ARHGAP25: variants seen among roughly 807,000 people sequenced by gnomAD.
The protein encoded by ARHGAP25 is rho GTPase-activating protein 25.
Under a neutral mutation model 71.0 loss-of-function variants are expected in ARHGAP25, and 34 were observed. The ratio of observed to expected loss-of-function variants is 0.48; its 90% CI spans 0.36 to 0.64. The LOEUF is 0.64. ARHGAP25 is among the 30% of genes least tolerant of loss of function. The pLI, the probability that ARHGAP25 is intolerant of heterozygous loss-of-function variation, is 0.00. For synonymous variants in ARHGAP25, 282 were observed against 296.5 expected, an observed-to-expected ratio of 0.95 and a Z score of 0.50; for missense variants, 706 against 805.1, an observed-to-expected ratio of 0.88 and a Z score of 1.49.
At chr2:68,796,961 G>A (rs1679592595) in intron 4 of ARHGAP25, among the ~76,000 whole-genome samples, 1 of 152,210 alleles carries the variant, frequency 6.6e-6, no homozygotes, top group African/African-American at 2.4e-5. Context: ...TCAATGGGCT[G>A]TGTGGGCCAG....
At position 68,735,117 on chromosome 2, in the gene ARHGAP25, AG is replaced by A; in HGVS notation, c.-80del. On this transcript the variant is annotated 5_prime_UTR_variant, in exon 1 of 11. An upstream open reading frame in the 5' UTR loses its in-frame stop. Coordinates refer to ENST00000409202, the MANE Select transcript of ARHGAP25 (RefSeq NM_001007231.3). Reference sequence around the variant, plus strand: ...GGAACAAAAACAGACACAAAAACAGAGGGAAAGAGTGAAAAGACAAGAAGGG... The same window carrying A: ...GGAACAAAAACAGACACAAAAACAGAGGAAAGAGTGAAAAGACAAGAAGGG... 1 of 1,170,588 alleles carries A rather than the reference AG, an allele frequency of 8.5e-7. No homozygotes were observed. The highest frequency in any genetic ancestry group is 1.2e-5 in the South Asian group (1 of 82,164). 72.5% of individuals were successfully genotyped at this position (1,170,588 alleles called of 1,614,324 possible). A position where few individuals can be genotyped will look rare whatever the true frequency, so the allele number is the denominator to read the frequency against.
chr2:68,780,147 G>A (rs1678217545), intron 2 of ARHGAP25, among the ~76,000 whole-genome samples: 1 of 152,174 alleles, frequency 6.6e-6, no homozygotes, highest in South Asian at 2.1e-4. Context: ...TTCCCTCCTA[G>A]ACTTCTTATG....
intron 5 of ARHGAP25, among the ~76,000 whole-genome samples, chr2:68,809,214 C>G (rs1680598083): frequency 6.6e-6 from 1 of 152,132 alleles, no homozygotes; most frequent in African/African-American, 2.4e-5. Context: ...TGCCCTCTCT[C>G]CACCCCCTTT....
Position 68,822,677 on chromosome 2 carries a change from C to G in ARHGAP25, c.1538C>G (p.Pro513Arg), listed in dbSNP as rs1681787742. ...YDNVPSLPGS[P>R]GEEASALSSQ... is the part of the protein sequence containing the mutation. ...AACGTCCCTTCCCTGCCAGGGTCCC[C>G]TGGGGAGGAAGCCAGTGCACTCTCT... is the stretch of plus-strand genomic sequence containing the variant. The change falls in exon 10 of 11, where the codon CCT (proline) becomes CGT (arginine). Residue 513 changes from proline to arginine, a missense_variant. Coordinates refer to ENST00000409202, the MANE Select transcript of ARHGAP25 (RefSeq NM_001007231.3). The G allele has an allele frequency of 6.2e-7, 1 of 1,614,158 alleles. No individual in the cohort carries two copies.
chr2:68,757,389 A>G (rs1676549027), intron 1 of ARHGAP25, among the ~76,000 whole-genome samples: 1 of 152,214 alleles, frequency 6.6e-6, no homozygotes, highest in Non-Finnish European at 1.5e-5. Context: ...AAAGTCAAAG[A>G]GAATTTTGAA....
chr2:68,762,197 A>G (rs1388077246), intron 1 of ARHGAP25, among the ~76,000 whole-genome samples: 1 of 152,226 alleles, frequency 6.6e-6, no homozygotes, highest in Non-Finnish European at 1.5e-5. Context: ...TCATAGAGAC[A>G]GAAAGTAGAA....
At chr2:68,735,459 A>C (rs1247380552) in intron 1 of ARHGAP25, 199 bp downstream of exon 1, 9 of 620,150 alleles carry the variant, frequency 1.5e-5, no homozygotes, top group Non-Finnish European at 2.6e-5. Context: ...TCATTTGGAC[A>C]AAACAGTGGG....
intron 4 of ARHGAP25, among the ~76,000 whole-genome samples, chr2:68,790,503 CA>C (rs1304751077): frequency 6.6e-6 from 1 of 152,206 alleles, no homozygotes; most frequent in African/African-American, 2.4e-5. Context: ...AGCACATTAC[CA>C]CTTGGAAAGA....
rs190833370 is a variant in ARHGAP25, at chr2:68,739,068, A to G, written c.61+3808A>G. On this transcript the variant is annotated intron_variant, in intron 1 of 10. Coordinates refer to ENST00000409202, the MANE Select transcript of ARHGAP25 (RefSeq NM_001007231.3). ...AACAGCCTTCTGGCCATTTGAGGAA[A>G]AAGGACTGATGTCACCTCTGGGCCT... Among the ~76,000 whole-genome samples, 8 of 152,352 alleles carry G rather than the reference A, an allele frequency of 5.3e-5. No individual in the cohort carries two copies. In the East Asian group the frequency reaches 1.3e-3, roughly 26 times the overall value.
chr2:68,807,585 T>G, intron 5 of ARHGAP25, 105 bp downstream of exon 5: 3 of 1,149,806 alleles, frequency 2.6e-6, no homozygotes, highest in Non-Finnish European at 3.8e-6. Context: ...CATAGAGACT[T>G]CTAAGAGCCC....
Position 68,824,469 on chromosome 2 carries a change from G to A in ARHGAP25, c.1734-1518G>A, listed in dbSNP as rs751725637. On this transcript the variant is annotated intron_variant, in intron 10 of 10. Transcript: ENST00000409202. ...AGAGGGTCAGAAGGAATGGCCGGGC[G>A]TGGTGGCTCACGCTTGTAATCCCAG... is the stretch of plus-strand genomic sequence containing the variant. Among the ~76,000 whole-genome samples the A allele has an allele frequency of 3.6e-4, 55 of 152,230 alleles. 1 individual carries two copies. Among genetic ancestry groups the A allele is most frequent in the South Asian group, 8.3e-4 (4 of 4,834 alleles).
At chr2:68,790,186 A>G (rs2104407072) in intron 4 of ARHGAP25, among the ~76,000 whole-genome samples, 1 of 152,116 alleles carries the variant, frequency 6.6e-6, no homozygotes, top group African/African-American at 2.4e-5. Context: ...ACAGGGTTTC[A>G]CCTTGTTTTG....
intron 3 of ARHGAP25, among the ~76,000 whole-genome samples, chr2:68,784,536 G>A (rs1573527674): frequency 6.6e-6 from 1 of 152,096 alleles, no homozygotes; most frequent in Non-Finnish European, 1.5e-5. Flanking sequence ...ATTTAGGGTA[G>A]GCTTCCCTCT....
At chr2:68,739,855 C>T (rs566366046) in intron 1 of ARHGAP25, among the ~76,000 whole-genome samples, 3 of 152,120 alleles carry the variant, frequency 2.0e-5, no homozygotes, top group African/African-American at 4.8e-5. Flanking sequence ...ATGCTTTACT[C>T]ATCATCCTTT....
At chr2:68,768,177 T>C (rs1205277364) in intron 1 of ARHGAP25, among the ~76,000 whole-genome samples, 1 of 152,250 alleles carries the variant, frequency 6.6e-6, no homozygotes, top group Non-Finnish European at 1.5e-5. Context: ...GGTGACAGTA[T>C]GGTACTTACA....
intron 1 of ARHGAP25, among the ~76,000 whole-genome samples, chr2:68,743,697 C>T (rs1675650312): frequency 6.6e-6 from 1 of 152,058 alleles, no homozygotes; most frequent in South Asian, 2.1e-4. Flanking sequence ...TGTGCTCTGT[C>T]CTGAGACCAA....
At chr2:68,733,812 C>T (rs375084757), upstream of ARHGAP25, among the ~76,000 whole-genome samples, 1 of 152,190 alleles carries the variant, frequency 6.6e-6, no homozygotes, top group Admixed American at 6.5e-5. Flanking sequence ...TGGAGCAAGG[C>T]GTGCAGCTTA....
At chr2:68,726,445 A>T (rs1674885845) in intron 2 of ARHGAP25, among the ~76,000 whole-genome samples, 1 of 152,216 alleles carries the variant, frequency 6.6e-6, no homozygotes, top group African/African-American at 2.4e-5. Flanking sequence ...CCTGTTGGAA[A>T]ACATGAGATT....
intron 2 of ARHGAP25, among the ~76,000 whole-genome samples, chr2:68,727,336 C>T (rs563777147): frequency 1.3e-5 from 2 of 152,238 alleles, no homozygotes; most frequent in South Asian, 4.1e-4. Context: ...GATGTGGGTA[C>T]AAAAAGTATT....
Sources: gnomAD v4.1 joint callset for allele counts (sites outside exome capture counted in the v4.1 genomes callset) on GRCh38, gnomAD v4.1.1 for gene constraint, MANE v1.5 for transcripts, NCBI Gene and HGNC (gene_info 2026-07-23, HGNC 2026-07-21) for gene names.